The following TAFA1 variants were observed in gnomAD, a reference collection of about 807,000 sequenced individuals.
The protein encoded by TAFA1 is TAFA chemokine like family member 1.
In TAFA1, 4 loss-of-function variants were observed where a neutral mutation model predicts 18.5. That is an observed-to-expected ratio of 0.22 (90% CI 0.11 to 0.49). The LOEUF (loss-of-function observed/expected upper bound fraction) is 0.49. TAFA1 is among the 20% of genes least tolerant of loss of function. TAFA1 has a pLI of 0.98. For synonymous variants in TAFA1, 56 were observed against 55.2 expected (o/e 1.01, Z -0.06); for missense variants, 147 against 169.0 (o/e 0.87, Z 0.72).
chr3:68,129,647 T>G (rs935493448), intron 2 of TAFA1, among the ~76,000 whole-genome samples: 1 of 152,202 alleles, frequency 6.6e-6, no homozygotes, highest in African/African-American at 2.4e-5. Context: ...TTACATATTA[T>G]AACATATTAT....
intron 2 of TAFA1, among the ~76,000 whole-genome samples, chr3:68,321,342 C>T (rs2068695206): frequency 6.6e-6 from 1 of 152,116 alleles, no homozygotes; most frequent in Admixed American, 6.6e-5. Flanking sequence ...ATTTAATAAG[C>T]CTGTGTGCCA....
intron 3 of TAFA1, among the ~76,000 whole-genome samples, chr3:68,469,855 G>GT (rs1416858077): frequency 6.6e-6 from 1 of 152,090 alleles, no homozygotes; most frequent in Non-Finnish European, 1.5e-5. Flanking sequence ...TTTCTTATCT[G>GT]CAAAATGGAG....
At chr3:68,130,587 T>G (rs980866341) in intron 2 of TAFA1, among the ~76,000 whole-genome samples, 1 of 152,358 alleles carries the variant, frequency 6.6e-6, no homozygotes. Context: ...TCTCTTTTCT[T>G]AGAATAAAAT....
intron 2 of TAFA1, among the ~76,000 whole-genome samples, chr3:68,207,610 C>T (rs1193213562): frequency 6.6e-6 from 1 of 151,902 alleles, no homozygotes; most frequent in African/African-American, 2.4e-5. Flanking sequence ...CTGATGCATA[C>T]TAAGATTTAA....
intron 2 of TAFA1, among the ~76,000 whole-genome samples, chr3:68,113,547 G>A (rs183608553): frequency 2.6e-5 from 4 of 152,208 alleles, no homozygotes; most frequent in East Asian, 1.9e-4. Context: ...TGTTAATATC[G>A]ACACATTTAG....
At chr3:68,441,966 A>G (rs1361748956) in intron 3 of TAFA1, among the ~76,000 whole-genome samples, 2 of 152,144 alleles carry the variant, frequency 1.3e-5, no homozygotes, top group East Asian at 3.9e-4. Context: ...ATAAATGGCC[A>G]GATGTGTGAT....
intron 2 of TAFA1, among the ~76,000 whole-genome samples, chr3:68,342,019 G>T (rs1159592228): frequency 6.6e-6 from 1 of 152,152 alleles, no homozygotes; most frequent in Non-Finnish European, 1.5e-5. Context: ...TGAAGAAACT[G>T]CATCATCAAA....
chr3:68,190,459 A>G (rs537141217), intron 2 of TAFA1, among the ~76,000 whole-genome samples: 11 of 152,040 alleles, frequency 7.2e-5, no homozygotes, highest in Admixed American at 6.6e-4. Context: ...AAGTAGGAAA[A>G]GTACCCTTTT....
intron 3 of TAFA1, among the ~76,000 whole-genome samples, chr3:68,441,099 G>A (rs2071369802): frequency 6.6e-6 from 1 of 152,148 alleles, no homozygotes; most frequent in Admixed American, 6.6e-5. Context: ...CTACAACCAA[G>A]AAAGAAACAC....
At chr3:68,183,897 C>T (rs1451437740) in intron 2 of TAFA1, among the ~76,000 whole-genome samples, 1 of 152,092 alleles carries the variant, frequency 6.6e-6, no homozygotes, top group East Asian at 1.9e-4. Context: ...CTATATAATG[C>T]CATGTGCTTC....
intron 2 of TAFA1, among the ~76,000 whole-genome samples, chr3:68,028,851 T>C (rs576470543): frequency 1.6e-3 from 241 of 152,102 alleles, no homozygotes; most frequent in Middle Eastern, 3.4e-3. Flanking sequence ...CTCCCCAGGC[T>C]CAGGTGATTC....
intron 2 of TAFA1, among the ~76,000 whole-genome samples, chr3:68,154,060 G>A (rs1474567915): frequency 6.6e-6 from 1 of 152,088 alleles, no homozygotes; most frequent in Non-Finnish European, 1.5e-5. Flanking sequence ...TGGTTTAATA[G>A]CAAATTAATT....
At chr3:68,370,216 A>C (rs1278003985) in intron 2 of TAFA1, among the ~76,000 whole-genome samples, 14 of 126,248 alleles carry the variant, frequency 1.1e-4, no homozygotes, top group African/African-American at 4.0e-4. Context: ...TGAACCCGGG[A>C]GGCGGAGGTT....
intron 3 of TAFA1, among the ~76,000 whole-genome samples, chr3:68,496,331 A>G (rs760192684): frequency 2.6e-5 from 4 of 152,100 alleles, no homozygotes; most frequent in Non-Finnish European, 4.4e-5. Flanking sequence ...GACCAATAAA[A>G]TGTTAGAGAA....
intron 2 of TAFA1, among the ~76,000 whole-genome samples, chr3:68,275,923 C>T (rs1353701905): frequency 6.6e-6 from 1 of 152,126 alleles, no homozygotes; most frequent in African/African-American, 2.4e-5. Flanking sequence ...TTCTCTGTTT[C>T]ACTAGATGGT....
At chr3:68,239,611 G>T (rs1028668930) in intron 2 of TAFA1, among the ~76,000 whole-genome samples, 5 of 152,152 alleles carry the variant, frequency 3.3e-5, no homozygotes, top group Non-Finnish European at 7.3e-5. Flanking sequence ...ATGCTTATTG[G>T]ATAGCTCTCA....
intron 3 of TAFA1, among the ~76,000 whole-genome samples, chr3:68,454,084 T>C (rs2071614401): frequency 6.6e-6 from 1 of 152,180 alleles, no homozygotes; most frequent in Non-Finnish European, 1.5e-5. Context: ...CTGACTGCAA[T>C]TGTGTTGTTA....
At chr3:68,316,085 AG>A (rs2068601141) in intron 2 of TAFA1, among the ~76,000 whole-genome samples, 1 of 152,246 alleles carries the variant, frequency 6.6e-6, no homozygotes, top group South Asian at 2.1e-4. Context: ...CATGATAAAA[AG>A]TTTCTAACCT....
At chr3:68,349,692 C>A (rs1297615845) in intron 2 of TAFA1, among the ~76,000 whole-genome samples, 1 of 152,042 alleles carries the variant, frequency 6.6e-6, no homozygotes, top group African/African-American at 2.4e-5. Context: ...GAGAAAGCAA[C>A]CATAAGCAAT....
Sources: gnomAD v4.1 joint callset for allele counts (sites outside exome capture counted in the v4.1 genomes callset) on GRCh38, gnomAD v4.1.1 for gene constraint, MANE v1.5 for transcripts, NCBI Gene and HGNC (gene_info 2026-07-23, HGNC 2026-07-21) for gene names.